DKK3: variants seen among roughly 807,000 people sequenced by gnomAD.
DKK3 encodes the protein dickkopf Wnt signaling pathway inhibitor 3, also known as dickkopf-related protein 3.
A neutral mutation model predicts 33.2 loss-of-function variants in DKK3; 22 were observed. That is an observed-to-expected ratio of 0.66 (90% CI 0.47 to 0.95). The LOEUF (loss-of-function observed/expected upper bound fraction) is 0.95, where lower values mean the gene tolerates loss of function less well. Among genes scored for constraint, DKK3 ranks in the 40% least tolerant of loss-of-function variants. The pLI, the probability that DKK3 is intolerant of heterozygous loss-of-function variation, is 0.00. For synonymous variants in DKK3, 194 were observed against 188.8 expected (o/e 1.03, Z -0.23); for missense variants, 398 against 458.4 (o/e 0.87, Z 1.20).
rs373078475 is a variant in DKK3 at position 11,968,424 on chromosome 11, T to C, written c.499A>G (p.Thr167Ala). The change falls in exon 4 of 7, where the codon ACC becomes GCC. Residue 167 changes from threonine to alanine, a missense_variant. Physicochemically the swap from Thr to Ala is moderately conservative, Grantham distance 58. Coordinates refer to ENST00000683431, the MANE Select transcript of DKK3 (RefSeq NM_001018057.2). ...MYCQFASFQY[T>A]CQPCRGQRML... ...CTCTGGCCCCGGCATGGCTGGCAGG[T>C]GTACTGGAAGCTGGCAAACTGGCAG... 1.2e-6 allele frequency: 2 copies of C among 1,612,970 alleles called. No homozygotes were observed. The highest frequency in any genetic ancestry group is 1.7e-5 in the Admixed American group (1 of 59,928).
intron 3 of DKK3, among the ~76,000 whole-genome samples, chr11:11,969,723 G>A (rs78431033): frequency 0.011 from 1,680 of 152,248 alleles, 33 homozygotes; most frequent in African/African-American, 0.038. Flanking sequence ...GAGCCTGGCC[G>A]GGCAGGCCTG....
rs1029782359 is a variant in DKK3 at position 12,007,014 on chromosome 11, T to C, written c.213+1356A>G. Among the ~76,000 whole-genome samples, 18 of 152,176 alleles carry C rather than the reference T, an allele frequency of 1.2e-4. 1 individual carries two copies. The highest frequency in any genetic ancestry group is 2.1e-4 in the South Asian group (1 of 4,826). On this transcript the variant is annotated intron_variant, in intron 1 of 6. Coordinates refer to ENST00000683431, the MANE Select transcript of DKK3 (RefSeq NM_001018057.2). Reference sequence around the variant, plus strand: ...ACCCTTTAATTGCTCCATGTCATGATTGTTTTGCAATCACAGGAAACAGAA... The same window carrying C: ...ACCCTTTAATTGCTCCATGTCATGACTGTTTTGCAATCACAGGAAACAGAA...
In DKK3 at chr11:11,965,858, C is replaced by G. The variant is rs761319141; in HGVS notation, c.781G>C (p.Ala261Pro). ...CTGGCACAAGGGCATCGGTCCAAGG[C>G]TCCATCAGGCTCTAGCTCCCAGGTG... is the stretch of plus-strand genomic sequence containing the variant. ...LITWELEPDG[A>P]LDRCPCASGL... Residue 261 changes from alanine (A) to proline (P), a missense_variant, in exon 6 of 7, where the codon GCC (alanine) becomes CCC (proline). Transcript: ENST00000683431. 2.5e-6 allele frequency: 4 copies of G among 1,614,212 alleles called. No homozygotes were observed. In the South Asian group the frequency reaches 4.4e-5, roughly 18 times the overall value.
chr11:11,999,795 T>C (rs1848385185), intron 2 of DKK3, among the ~76,000 whole-genome samples: 1 of 152,236 alleles, frequency 6.6e-6, no homozygotes, highest in South Asian at 2.1e-4. Context: ...TTCTCACTTC[T>C]ACATCATCTT....
intron 6 of DKK3, among the ~76,000 whole-genome samples, chr11:11,965,097 G>A (rs530273169): frequency 6.6e-6 from 1 of 152,318 alleles, no homozygotes; most frequent in Non-Finnish European, 1.5e-5. Context: ...TGGGAATAGG[G>A]AGGAAGAATT....
intron 3 of DKK3, among the ~76,000 whole-genome samples, chr11:11,977,612 G>C (rs1221474235): frequency 2.6e-5 from 4 of 152,176 alleles, no homozygotes; most frequent in African/African-American, 9.7e-5. Flanking sequence ...CGGGGACTTA[G>C]GGTCTCCACA....
rs772021821 is a variant in DKK3 at position 11,964,610 on chromosome 11, C to G, written c.907G>C (p.Glu303Gln). Reference protein sequence around the residue: ...DQDGEILLPREVPDEYEVGSF... With the variant: ...DQDGEILLPRQVPDEYEVGSF... ...CCAACTTCATACTCATCGGGGACCTCTCTGGGCAGCAGGATCTCCCCATCT... is the reference window on the plus strand; with the variant it reads ...CCAACTTCATACTCATCGGGGACCTGTCTGGGCAGCAGGATCTCCCCATCT... The change falls in exon 7 of 7, where the codon GAG becomes CAG. Residue 303 changes from glutamate to glutamine, a missense_variant. Transcript: ENST00000683431. 2.5e-6 allele frequency: 4 copies of G among 1,614,222 alleles called. No homozygotes were observed. The South Asian group carries it at 4.4e-5, about 18-fold the overall frequency.
intron 4 of DKK3, among the ~76,000 whole-genome samples, chr11:11,967,948 G>A (rs1445145334): frequency 6.6e-6 from 1 of 152,132 alleles, no homozygotes; most frequent in Non-Finnish European, 1.5e-5. Flanking sequence ...GGGGCTGCCG[G>A]AATGTCTCTG....
At chr11:11,970,530 A>C (rs1313619960) in intron 3 of DKK3, among the ~76,000 whole-genome samples, 1 of 152,158 alleles carries the variant, frequency 6.6e-6, no homozygotes, top group Non-Finnish European at 1.5e-5. Flanking sequence ...ATTCCCCGGA[A>C]CCTGTGGGTA....
At chr11:11,985,179 C>T (rs1848043480) in intron 3 of DKK3, among the ~76,000 whole-genome samples, 1 of 152,140 alleles carries the variant, frequency 6.6e-6, no homozygotes, top group South Asian at 2.1e-4. Context: ...ACCCTGGAGC[C>T]GCCCATCCTC....
intron 6 of DKK3, 118 bp from the exon 7 acceptor site, chr11:11,964,804 T>C (rs1847547094): frequency 8.0e-6 from 12 of 1,506,720 alleles, no homozygotes; most frequent in Non-Finnish European, 1.1e-5. Context: ...TCCTCTCCTG[T>C]CTCTTCAACA....
chr11:12,002,110 A>G (rs1848440832), intron 2 of DKK3, 190 bp downstream of exon 2: 2 of 588,258 alleles, frequency 3.4e-6, no homozygotes, highest in East Asian at 2.9e-5. Context: ...AAAGCAGTTT[A>G]GGATCCTGAT....
At chr11:11,972,997 A>G (rs1847756568) in intron 3 of DKK3, among the ~76,000 whole-genome samples, 1 of 152,160 alleles carries the variant, frequency 6.6e-6, no homozygotes, top group African/African-American at 2.4e-5. Flanking sequence ...TGTTTTAGTA[A>G]GGAATGAGTA....
chr11:12,004,842 C>T (rs1255564165), intron 1 of DKK3, among the ~76,000 whole-genome samples: 3 of 152,126 alleles, frequency 2.0e-5, no homozygotes, highest in African/African-American at 7.2e-5. Context: ...GTTTGTTTTG[C>T]CAGAGTTCTG....
At chr11:11,967,461 G>A (rs1399380176) in intron 4 of DKK3, among the ~76,000 whole-genome samples, 4 of 152,180 alleles carry the variant, frequency 2.6e-5, no homozygotes, top group Admixed American at 6.5e-5. Context: ...ATGATGAGCC[G>A]ATTAAACTAA....
chr11:12,005,087 A>C (rs574028225), intron 1 of DKK3, among the ~76,000 whole-genome samples: 8 of 152,202 alleles, frequency 5.3e-5, no homozygotes, highest in Non-Finnish European at 1.2e-4. Flanking sequence ...CCAGAAGAAG[A>C]GAATGTTTTA....
intron 3 of DKK3, among the ~76,000 whole-genome samples, chr11:11,983,726 G>T (rs776728823): frequency 1.3e-5 from 2 of 152,218 alleles, no homozygotes; most frequent in Non-Finnish European, 2.9e-5. Context: ...GGGCTACGCT[G>T]CTGTCAAATG....
chr11:11,970,465 T>C (rs182930075), intron 3 of DKK3, among the ~76,000 whole-genome samples: 9 of 152,276 alleles, frequency 5.9e-5, no homozygotes, highest in African/African-American at 2.2e-4. Context: ...ATTAGAAAGG[T>C]TGAATGTCTC....
chr11:11,969,521 C>A (rs770010864), intron 3 of DKK3, among the ~76,000 whole-genome samples: 1 of 152,104 alleles, frequency 6.6e-6, no homozygotes, highest in Non-Finnish European at 1.5e-5. Flanking sequence ...CTTTCCACCA[C>A]CAGCCCTTGA....
Sources: gnomAD v4.1 joint callset for allele counts (sites outside exome capture counted in the v4.1 genomes callset) on GRCh38, gnomAD v4.1.1 for gene constraint, MANE v1.5 for transcripts, NCBI Gene and HGNC (gene_info 2026-07-23, HGNC 2026-07-21) for gene names.